PGBD1: variants seen among roughly 807,000 people sequenced by gnomAD.
The protein encoded by PGBD1 is piggyBac transposable element-derived protein 1.
A neutral mutation model predicts 34.7 loss-of-function variants in PGBD1; 25 were observed. The ratio of observed to expected loss-of-function variants is 0.72; its 90% CI spans 0.52 to 1.00. The LOEUF (loss-of-function observed/expected upper bound fraction) is 1.00, where lower values mean the gene tolerates loss of function less well. PGBD1 is among the 50% of genes least tolerant of loss of function. PGBD1 has a pLI of 0.00. For synonymous variants in PGBD1, 292 were observed against 335.7 expected (o/e 0.87, Z 1.42); for missense variants, 830 against 959.4 (o/e 0.87, Z 1.78).
At chr6:28,291,550 C>CAAAAAAAAAAAAAA (rs56160771) in intron 4 of PGBD1, among the ~76,000 whole-genome samples, 1 of 120,620 alleles carries the variant, frequency 8.3e-6, no homozygotes. Context: ...TCAAATTCTT[C>CAAAAAAAAAAAAAA]AAAAAAAAAA....
At chr6:28,295,049 G>A (rs1431936447) in intron 4 of PGBD1, among the ~76,000 whole-genome samples, 1 of 152,214 alleles carries the variant, frequency 6.6e-6, no homozygotes. Flanking sequence ...AAGGGAGGAG[G>A]TGAAAATACC....
At chr6:28,297,845 T>TTTAAAAAAAAAAAA in intron 5 of PGBD1, 50 bp from the exon 6 acceptor site, 5 of 283,632 alleles carry the variant, frequency 1.8e-5, no homozygotes, top group Non-Finnish European at 2.7e-5. Context: ...TTTTTTTTTT[T>TTTAAAAAAAAAAAA]CAAAATTCAC....
At position 28,301,391 on chromosome 6, in the gene PGBD1, C is replaced by G. The variant is rs1762835367; in HGVS notation, c.1537C>G (p.Leu513Val). 6.2e-7 allele frequency: 1 copy of G among 1,613,974 alleles called. No individual in the cohort carries two copies. The highest frequency in any genetic ancestry group is 8.5e-7 in the Non-Finnish European group (1 of 1,179,990). Residue 513 changes from leucine (L) to valine (V), a missense_variant, in exon 7 of 7, where the codon CTA becomes GTA. Leu to Val is a conservative substitution (Grantham distance 32). Coordinates refer to ENST00000682144, the MANE Select transcript of PGBD1 (RefSeq NM_032507.4). ...SNLHFADNGH[L>V]DQKDKFTKLR... The stretch of plus-strand genomic sequence containing the variant: ...CCTGCACTTTGCAGATAATGGCCAC[C>G]TAGATCAAAAAGATAAGTTTACAAA...
In PGBD1 at chr6:28,300,707, CT is replaced by C. The variant is rs3215466; in HGVS notation, c.870-10del. On this transcript the variant is annotated splice_polypyrimidine_tract_variant and intron_variant, in intron 6 of 6. Transcript: ENST00000682144. This position sits in a 1 kb window ranked among gnomAD's most constrained non-coding sequence, Gnocchi z 4.0. The stretch of plus-strand genomic sequence containing the variant: ...TGATTGAGGATTTTTATAACATGTT[CT>C]TTTTTTCTTTCCCAGAGAGTGTGCA... 0.058 allele frequency: 91,075 copies of C among 1,569,832 alleles called. 3,904 individuals carry two copies. Among genetic ancestry groups the C allele is most frequent in the African/African-American group, 0.19 (13,570 of 72,858 alleles).
rs776948654 is a variant in PGBD1, at chr6:28,296,908, C to G, written c.735C>G (p.Asn245Lys). 8 of 1,614,070 alleles carry G rather than the reference C, an allele frequency of 5.0e-6. No homozygotes were observed. The South Asian group carries it at 8.8e-5, about 18-fold the overall frequency. The stretch of plus-strand genomic sequence containing the variant: ...TGACTCGGAGGAACCTCTGTGGGAA[C>G]TCAGCTCAGGAGACAGTTATGAGCC... ...LSLTRRNLCG[N>K]SAQETVMSLS... The change falls in exon 5 of 7, where the codon AAC becomes AAG. Residue 245 changes from asparagine to lysine, a missense_variant. Physicochemically the swap from Asn to Lys is moderately conservative, Grantham distance 94. Coordinates refer to ENST00000682144, the MANE Select transcript of PGBD1 (RefSeq NM_032507.4).
chr6:28,289,250 C>T (rs1364980740), intron 4 of PGBD1, among the ~76,000 whole-genome samples: 1 of 152,072 alleles, frequency 6.6e-6, no homozygotes, highest in African/African-American at 2.4e-5. Context: ...ATAGACTTCT[C>T]AATGGCAATC....
In PGBD1 at chr6:28,285,613, T is replaced by C; in HGVS notation, c.459T>C (p.Ser153=). ...TGGTGGCAGAATATCAAGGAGTCTC[T>C]TTGGAGTGTCAGAGCCTCCAGCTCC... ...HPMVAEYQGV[S]LECQSLQLLP... is the part of the protein sequence containing the mutation. Residue 153 remains serine (S), a synonymous_variant, in exon 3 of 7, where the codon TCT becomes TCC. Transcript: ENST00000682144. 1 of 1,614,162 alleles carries C rather than the reference T, an allele frequency of 6.2e-7. No homozygotes were observed. Among genetic ancestry groups the C allele is most frequent in the South Asian group, 1.1e-5 (1 of 91,084 alleles).
At chr6:28,289,062 C>T (rs1762371383) in intron 4 of PGBD1, among the ~76,000 whole-genome samples, 1 of 151,714 alleles carries the variant, frequency 6.6e-6, no homozygotes, top group Non-Finnish European at 1.5e-5. Context: ...CTTCACAAAA[C>T]TTGTGAAAGA....
intron 2 of PGBD1, among the ~76,000 whole-genome samples, chr6:28,285,182 A>C (rs924965613): frequency 1.3e-5 from 2 of 152,198 alleles, no homozygotes; most frequent in African/African-American, 4.8e-5. Context: ...AGAATACCAC[A>C]GAGGTAATGT....
At chr6:28,299,595 A>G (rs570943472) in intron 6 of PGBD1, among the ~76,000 whole-genome samples, 4 of 152,260 alleles carry the variant, frequency 2.6e-5, no homozygotes, top group Admixed American at 1.3e-4. Context: ...AGTGTAAATT[A>G]TATTAAAATA....
In PGBD1 at chr6:28,300,800, G is replaced by T. The variant is rs1489558792; in HGVS notation, c.946G>T (p.Asp316Tyr). 1.2e-6 allele frequency: 2 copies of T among 1,614,048 alleles called. No individual in the cohort carries two copies. The change falls in exon 7 of 7, where the codon GAC becomes TAC. Residue 316 changes from aspartate to tyrosine, a missense_variant. Asp to Tyr is a radical substitution (Grantham distance 160). This residue lies in a region of PGBD1 where 457 missense variants were observed against 515.4 expected (regional missense o/e 0.89). Coordinates refer to ENST00000682144, the MANE Select transcript of PGBD1 (RefSeq NM_032507.4). The surrounding 1 kb of genome is among the most constrained non-coding windows in gnomAD (Gnocchi z 4.0). ...RTVAHLNTLK[D>Y]RHPGDLWARM... ...AGTTGCACATTTGAACACTCTGAAG[G>T]ACCGTCACCCAGGTGATTTGTGGGC... is the stretch of plus-strand genomic sequence containing the variant.
At chr6:28,294,994 C>T (rs1762583333) in intron 4 of PGBD1, among the ~76,000 whole-genome samples, 1 of 152,160 alleles carries the variant, frequency 6.6e-6, no homozygotes, top group Non-Finnish European at 1.5e-5. Flanking sequence ...TAAAAACCTT[C>T]TGGAAAGGAT....
In PGBD1 at chr6:28,283,762, AT is replaced by A; in HGVS notation, c.-38-11del. On this transcript the variant is annotated splice_polypyrimidine_tract_variant and intron_variant, in intron 1 of 6. Transcript: ENST00000682144. Reference sequence around the variant, plus strand: ...ATAAATTCTTATGCCTCAGATCTCTATTTCTGAATATAGACCCCAAGCTAAG... The same window carrying A: ...ATAAATTCTTATGCCTCAGATCTCTATTCTGAATATAGACCCCAAGCTAAG... The A allele has an allele frequency of 6.6e-7, 1 of 1,508,990 alleles. No homozygotes were observed. The highest frequency in any genetic ancestry group is 1.3e-5 in the South Asian group (1 of 74,400). The allele number at this position is 1,508,990 out of a possible 1,614,324, so 93.5% of individuals were successfully genotyped here.
chr6:28,296,664 T>A, intron 4 of PGBD1, 152 bp from the exon 5 acceptor site: 1 of 790,108 alleles, frequency 1.3e-6, no homozygotes, highest in Non-Finnish European at 2.0e-6. Context: ...GTGGTGGACT[T>A]CATTGTTATA....
rs749803309 is a variant in PGBD1, at chr6:28,284,144, A to T, written c.331A>T (p.Ser111Cys). ...CTGTGTGAAGACATATCCTCTGGAG[A>T]GTGGAGAGGAGGCAGTGACAGTGCT... Reference protein sequence around the residue: ...QPCVKTYPLESGEEAVTVLEN... With the variant: ...QPCVKTYPLECGEEAVTVLEN... The change falls in exon 2 of 7, where the codon AGT (serine) becomes TGT (cysteine). Residue 111 changes from serine to cysteine, a missense_variant. Transcript: ENST00000682144. 4.1e-5 allele frequency: 66 copies of T among 1,605,222 alleles called. No individual in the cohort carries two copies. The African/African-American group carries it at 6.7e-4, about 16-fold the overall frequency.
At chr6:28,290,227 C>T (rs537090990) in intron 4 of PGBD1, among the ~76,000 whole-genome samples, 3 of 152,138 alleles carry the variant, frequency 2.0e-5, no homozygotes, top group Non-Finnish European at 2.9e-5. Context: ...TCCCAAGTAG[C>T]TGGGACCACA....
Position 28,300,862 on chromosome 6 carries a change from A to G in PGBD1, c.1008A>G (p.Gly336=). 1.2e-6 allele frequency: 2 copies of G among 1,614,116 alleles called. No homozygotes were observed. Among genetic ancestry groups the G allele is most frequent in the Non-Finnish European group, 1.7e-6 (2 of 1,180,020 alleles). Residue 336 remains glycine (G), a synonymous_variant, in exon 7 of 7, where the codon GGA becomes GGG. Transcript: ENST00000682144. This position sits in a 1 kb window ranked among gnomAD's most constrained non-coding sequence, Gnocchi z 4.0. ...MHISSLEYAA[G]DITRKGRKKD... is the part of the protein sequence containing the mutation. ...TCTCATCCCTGGAATATGCTGCAGGAGACATTACCCGAAAAGGGAGAAAAA... is the reference window on the plus strand; with the variant it reads ...TCTCATCCCTGGAATATGCTGCAGGGGACATTACCCGAAAAGGGAGAAAAA...
At chr6:28,290,319 C>T (rs1199290156) in intron 4 of PGBD1, among the ~76,000 whole-genome samples, 1 of 152,116 alleles carries the variant, frequency 6.6e-6, no homozygotes, top group Non-Finnish European at 1.5e-5. Flanking sequence ...CTGGCTTGAA[C>T]TTCTGGCCTC....
In PGBD1 at chr6:28,301,103, T is replaced by C; in HGVS notation, c.1249T>C (p.Leu417=). The C allele has an allele frequency of 1.2e-6, 2 of 1,614,208 alleles. No homozygotes were observed. Among genetic ancestry groups the C allele is most frequent in the Non-Finnish European group, 1.7e-6 (2 of 1,180,052 alleles). The change falls in exon 7 of 7, where the codon TTG becomes CTG. Residue 417 remains leucine, a synonymous_variant. Coordinates refer to ENST00000682144, the MANE Select transcript of PGBD1 (RefSeq NM_032507.4). ...SGLLNLKSEK[L]NPVELFELFF... Reference sequence around the variant, plus strand: ...ACTTTTGAATCTCAAGAGCGAAAAGTTGAACCCAGTAGAGCTTTTTGAATT... The same window carrying C: ...ACTTTTGAATCTCAAGAGCGAAAAGCTGAACCCAGTAGAGCTTTTTGAATT...
Sources: allele counts gnomAD v4.1 joint callset (sites outside exome capture counted in the v4.1 genomes callset), GRCh38; gene constraint gnomAD v4.1.1; regional missense constraint gnomAD v4.1.1; non-coding constraint Gnocchi (gnomAD v3.1); transcripts MANE v1.5; gene names NCBI Gene and HGNC (gene_info 2026-07-23, HGNC 2026-07-21).